Variants in MBOAT1 observed in about 807,000 individuals in gnomAD.
The protein encoded by MBOAT1 is membrane-bound glycerophospholipid O-acyltransferase 1.
A neutral mutation model predicts 64.4 loss-of-function variants in MBOAT1; 67 were observed. The observed-to-expected ratio is 1.04, with a 90% CI of 0.85 to 1.27. MBOAT1 has a LOEUF of 1.27. MBOAT1 is among the 50% of genes most tolerant of loss of function. The pLI, the probability that MBOAT1 is intolerant of heterozygous loss-of-function variation, is 0.00. For missense variants in MBOAT1, 563 were observed against 604.6 expected (o/e 0.93, Z 0.72); for synonymous variants, 229 against 218.9 (o/e 1.05, Z -0.41).
intron 1 of MBOAT1, among the ~76,000 whole-genome samples, chr6:20,171,595 C>T (rs755616302): frequency 1.3e-5 from 2 of 151,976 alleles, no homozygotes; most frequent in East Asian, 1.9e-4. Context: ...ATTTCATGTA[C>T]GTCTATTGGA....
At chr6:20,113,657 A>T (rs1386071036) in intron 10 of MBOAT1, among the ~76,000 whole-genome samples, 1 of 152,112 alleles carries the variant, frequency 6.6e-6, no homozygotes, top group African/African-American at 2.4e-5. Context: ...ATGTCAGCAA[A>T]TACCCTGAGG....
Position 20,198,259 on chromosome 6 carries a change from A to G in MBOAT1, c.99+13877T>C, listed in dbSNP as rs146749294. 7.2e-5 allele frequency among the ~76,000 whole-genome samples: 11 copies of G among 151,858 alleles called. No homozygotes were observed. The East Asian group carries it at 1.9e-3, about 27-fold the overall frequency. ...AAAAAAAAAGAAAGAAAGAAAAAAG[A>G]AAAGAAAAAATCACCTAAGAACGTG... On this transcript the variant is annotated intron_variant, in intron 1 of 12. Coordinates refer to ENST00000324607, the MANE Select transcript of MBOAT1 (RefSeq NM_001080480.3).
chr6:20,149,936 G>C (rs1441957988), intron 3 of MBOAT1, among the ~76,000 whole-genome samples: 1 of 152,206 alleles, frequency 6.6e-6, no homozygotes. Flanking sequence ...TCTTTTAAAA[G>C]TAATTCAGTC....
At chr6:20,163,610 A>T (rs747252603) in intron 1 of MBOAT1, among the ~76,000 whole-genome samples, 9 of 152,176 alleles carry the variant, frequency 5.9e-5, no homozygotes, top group Non-Finnish European at 1.3e-4. Flanking sequence ...GGTTCTACTC[A>T]GGCACAACCT....
intron 3 of MBOAT1, 140 bp downstream of exon 3, chr6:20,151,045 A>G (rs1761477391): frequency 1.7e-6 from 1 of 581,868 alleles, no homozygotes; most frequent in Non-Finnish European, 3.0e-6. Context: ...AGGGTTCCCC[A>G]TCCCTCCTGA....
At chr6:20,141,711 G>A (rs1197518495) in intron 4 of MBOAT1, among the ~76,000 whole-genome samples, 1 of 152,054 alleles carries the variant, frequency 6.6e-6, no homozygotes, top group Admixed American at 6.6e-5. Context: ...GATGAGTGTA[G>A]AGAGCACAGA....
At chr6:20,172,520 G>A (rs1306436706) in intron 1 of MBOAT1, among the ~76,000 whole-genome samples, 4 of 152,108 alleles carry the variant, frequency 2.6e-5, no homozygotes, top group Non-Finnish European at 5.9e-5. Flanking sequence ...TCACAGGAGG[G>A]CCTACTGCCT....
intron 1 of MBOAT1, among the ~76,000 whole-genome samples, chr6:20,168,638 G>GAAGAA (rs1762096399): frequency 1.6e-5 from 2 of 124,848 alleles, no homozygotes; most frequent in African/African-American, 6.1e-5. Context: ...GAAGAGAAGA[G>GAAGAA]AAGAGAGGAG....
Position 20,102,289 on chromosome 6 carries a change from ATC to A in MBOAT1, c.1483_1484del (p.Asp495LeufsTer20). On this transcript the variant is annotated frameshift_variant, in exon 13 of 13. Transcript: ENST00000324607. LOFTEE classifies it high-confidence loss of function. ...TLNSINKRKTD is the reference protein window; with the variant it reads ...TLNSINKRKTX ...TGTTCCGCTTCTCTTGGAGGTATCA[ATC>A]TGTTTTTCTCTTATTAATAGAGTTC... 6.2e-7 allele frequency: 1 copy of A among 1,612,920 alleles called. No homozygotes were observed. The highest frequency in any genetic ancestry group is 8.5e-7 in the Non-Finnish European group (1 of 1,179,700).
intron 3 of MBOAT1, among the ~76,000 whole-genome samples, chr6:20,149,443 A>G (rs1761426298): frequency 6.6e-6 from 1 of 152,220 alleles, no homozygotes; most frequent in Non-Finnish European, 1.5e-5. Flanking sequence ...TTGCACCAAC[A>G]TTATTATTAA....
chr6:20,113,215 G>T (rs2113634718), intron 10 of MBOAT1, among the ~76,000 whole-genome samples: 2 of 152,316 alleles, frequency 1.3e-5, no homozygotes, highest in East Asian at 3.9e-4. Context: ...GCAATTCACA[G>T]TTCAGCCTTT....
At chr6:20,109,524 T>C in intron 12 of MBOAT1, 74 bp downstream of exon 12, 6 of 1,536,520 alleles carry the variant, frequency 3.9e-6, no homozygotes, top group Non-Finnish European at 5.3e-6. Flanking sequence ...TCATTCAATT[T>C]ACTGCCTCCT....
At chr6:20,130,348 TTTGTTGTTG>T (rs566699579) in intron 5 of MBOAT1, among the ~76,000 whole-genome samples, 7 of 151,920 alleles carry the variant, frequency 4.6e-5, no homozygotes, top group African/African-American at 1.2e-4. Context: ...TTTTCCCAGC[TTTGTTGTTG>T]TTGTTGTTGT....
In MBOAT1 at chr6:20,196,632, A is replaced by G. The variant is rs537013872; in HGVS notation, c.99+15504T>C. ...TCCCAGCAATTTGGGAGGCCAAGGCAGGTGGATCACCTGAGGTCAGGAGTT... is the reference window on the plus strand; with the variant it reads ...TCCCAGCAATTTGGGAGGCCAAGGCGGGTGGATCACCTGAGGTCAGGAGTT... On this transcript the variant is annotated intron_variant, in intron 1 of 12. Coordinates refer to ENST00000324607, the MANE Select transcript of MBOAT1 (RefSeq NM_001080480.3). Among the ~76,000 whole-genome samples the G allele has an allele frequency of 3.6e-3, 544 of 152,276 alleles. 4 individuals are homozygous for G. Among genetic ancestry groups the G allele is most frequent in the Non-Finnish European group, 6.4e-3 (437 of 68,006 alleles).
In MBOAT1 at chr6:20,128,712, G is replaced by A. The variant is rs1158801085; in HGVS notation, c.517C>T (p.Arg173Ter). ...RAEDLSAEQH[R>*]LAIKVKPSFL... ...CACTTCACTTACTTGATAGCAAGTC[G>A]ATGTTGTTCAGCAGAAAGGTCTTCA... Residue 173 changes from arginine to a stop codon, truncating the protein, a stop_gained, in exon 6 of 13, where the codon CGA becomes TGA. Coordinates refer to ENST00000324607, the MANE Select transcript of MBOAT1 (RefSeq NM_001080480.3). LOFTEE classifies it high-confidence loss of function. The A allele has an allele frequency of 4.3e-6, 7 of 1,609,820 alleles. No homozygotes were observed. The highest frequency in any genetic ancestry group is 1.1e-5 in the South Asian group (1 of 89,824).
chr6:20,124,680 G>C, intron 7 of MBOAT1, 80 bp from the exon 8 acceptor site: 1 of 1,324,114 alleles, frequency 7.6e-7, no homozygotes, highest in East Asian at 2.3e-5. Context: ...ACCTGTTAAG[G>C]ACAACGTTGC....
At chr6:20,193,608 T>C (rs1762870497) in intron 1 of MBOAT1, among the ~76,000 whole-genome samples, 1 of 150,902 alleles carries the variant, frequency 6.6e-6, no homozygotes, top group Admixed American at 6.6e-5. Flanking sequence ...AAAATCCTTT[T>C]TTTTTTTTTT....
chr6:20,181,506 T>C (rs573260718), intron 1 of MBOAT1, among the ~76,000 whole-genome samples: 1 of 152,320 alleles, frequency 6.6e-6, no homozygotes, highest in Non-Finnish European at 1.5e-5. Context: ...GGATGGAAAG[T>C]AGTCACAGAC....
chr6:20,154,538 A>T (rs1169873143), intron 1 of MBOAT1, among the ~76,000 whole-genome samples: 1 of 152,168 alleles, frequency 6.6e-6, no homozygotes, highest in Non-Finnish European at 1.5e-5. Flanking sequence ...ATCTCAAAAT[A>T]AAAATAAAAT....
Sources: allele counts gnomAD v4.1 joint callset (sites outside exome capture counted in the v4.1 genomes callset), GRCh38; gene constraint gnomAD v4.1.1; transcripts MANE v1.5; gene names NCBI Gene and HGNC (gene_info 2026-07-23, HGNC 2026-07-21).